Variants in DLGAP5 observed in about 807,000 individuals in gnomAD.
DLGAP5 encodes the protein DLG associated protein 5, also known as disks large-associated protein 5.
Under a neutral mutation model 99.6 loss-of-function variants are expected in DLGAP5, and 90 were observed. That is an observed-to-expected ratio of 0.90 (90% CI 0.76 to 1.08). DLGAP5 has a LOEUF of 1.08. DLGAP5 is among the 50% of genes least tolerant of loss of function. The pLI is 0.00. For missense variants in DLGAP5, 1,036 were observed against 983.5 expected (o/e 1.05, Z -0.71); for synonymous variants, 311 against 321.3 (o/e 0.97, Z 0.34).
Position 55,177,344 on chromosome 14 carries a change from G to A in DLGAP5, c.775-8C>T. 1 of 1,573,880 alleles carries A rather than the reference G, an allele frequency of 6.4e-7. No homozygotes were observed. The highest frequency in any genetic ancestry group is 1.4e-5 in the African/African-American group (1 of 73,322). ...GACTTTACAAGAAATACCCTAGGAT[G>A]TGAGTTAACAAAGTAGAGTAAGATT... On this transcript the variant is annotated splice_region_variant and splice_polypyrimidine_tract_variant and intron_variant, in intron 7 of 18. Coordinates refer to ENST00000247191, the MANE Select transcript of DLGAP5 (RefSeq NM_014750.5).
chr14:55,162,844 T>A, intron 13 of DLGAP5, 127 bp downstream of exon 13: 1 of 474,310 alleles, frequency 2.1e-6, no homozygotes. Flanking sequence ...TAATGAGAAA[T>A]CTAAACCTAA....
intron 14 of DLGAP5, 95 bp from the exon 15 acceptor site, chr14:55,154,901 T>C: frequency 9.3e-7 from 1 of 1,074,706 alleles, no homozygotes; most frequent in Non-Finnish European, 1.3e-6. Flanking sequence ...TTAGCCTCTT[T>C]CTCCTGTCAA....
rs1006866071 is a variant in DLGAP5, at chr14:55,158,403, TTA to T, written c.1873+117_1873+118del. 3.6e-5 allele frequency: 28 copies of T among 788,102 alleles called. No homozygotes were observed. In the African/African-American group the frequency reaches 4.4e-4, roughly 12 times the overall value. 48.8% of individuals were successfully genotyped at this position (788,102 alleles called of 1,614,324 possible). A position where few individuals can be genotyped will look rare whatever the true frequency, so the allele number is the denominator to read the frequency against. On this transcript the variant is annotated intron_variant, in intron 14 of 18. Transcript: ENST00000247191. ...TATTTTCTAAAAATCACAGAAAAAC[TTA>T]TGTCTCTTCATGTAAAAAACTATTT...
intron 2 of DLGAP5, among the ~76,000 whole-genome samples, chr14:55,184,787 G>T (rs1220734559): frequency 2.0e-5 from 3 of 152,136 alleles, no homozygotes; most frequent in Non-Finnish European, 4.4e-5. Context: ...CATCTTGGAG[G>T]CAGATCCTCC....
intron 12 of DLGAP5, 29 bp downstream of exon 12, chr14:55,169,370 T>TAATA (rs768352288): frequency 7.2e-7 from 1 of 1,394,002 alleles, no homozygotes. Flanking sequence ...AGCCCTAAGT[T>TAATA]AATATATTTG....
chr14:55,184,227 G>C (rs891805235), intron 2 of DLGAP5, among the ~76,000 whole-genome samples: 1 of 152,136 alleles, frequency 6.6e-6, no homozygotes, highest in Non-Finnish European at 1.5e-5. Context: ...GAAGGCTGAG[G>C]TGGAAGGATC....
At chr14:55,178,294 A>G (rs1883153568) in intron 7 of DLGAP5, among the ~76,000 whole-genome samples, 1 of 152,156 alleles carries the variant, frequency 6.6e-6, no homozygotes, top group African/African-American at 2.4e-5. Context: ...TTAAAATCAG[A>G]AATCTAACAT....
chr14:55,172,936 C>T (rs542997729), intron 10 of DLGAP5, among the ~76,000 whole-genome samples: 51 of 139,904 alleles, frequency 3.6e-4, no homozygotes, highest in Middle Eastern at 4.1e-3. Context: ...GAGCCAAGAT[C>T]GCGCCATTGC....
At chr14:55,178,979 G>A (rs1036197600) in intron 7 of DLGAP5, among the ~76,000 whole-genome samples, 8 of 152,048 alleles carry the variant, frequency 5.3e-5, no homozygotes, top group African/African-American at 9.7e-5. Flanking sequence ...CCCGGGGAGC[G>A]GAAGGTGCAG....
chr14:55,170,090 G>T (rs888467283), intron 11 of DLGAP5, among the ~76,000 whole-genome samples: 3 of 151,726 alleles, frequency 2.0e-5, no homozygotes, highest in Non-Finnish European at 4.4e-5. Flanking sequence ...AGCCGATATG[G>T]CGCCATTGCA....
intron 18 of DLGAP5, chr14:55,150,500 C>T (rs1391139218): frequency 1.1e-5 from 2 of 187,412 alleles, no homozygotes. Context: ...GAAACTTTGC[C>T]TTATATTTTT....
intron 12 of DLGAP5, among the ~76,000 whole-genome samples, chr14:55,166,624 G>A (rs1388978310): frequency 6.6e-6 from 1 of 151,928 alleles, no homozygotes; most frequent in Non-Finnish European, 1.5e-5. Flanking sequence ...AGCTACTTGG[G>A]AGACTGAGGC....
intron 2 of DLGAP5, among the ~76,000 whole-genome samples, chr14:55,186,461 G>T (rs1444204876): frequency 6.6e-6 from 1 of 152,084 alleles, no homozygotes; most frequent in Non-Finnish European, 1.5e-5. Context: ...AGAGCAACAC[G>T]TTTTATTTGA....
chr14:55,165,336 A>C (rs1882599362), intron 12 of DLGAP5, among the ~76,000 whole-genome samples: 1 of 152,122 alleles, frequency 6.6e-6, no homozygotes, highest in African/African-American at 2.4e-5. Flanking sequence ...CACCTGGGTA[A>C]CATGATGACA....
chr14:55,185,553 C>G (rs989548175), intron 2 of DLGAP5, among the ~76,000 whole-genome samples: 2 of 151,952 alleles, frequency 1.3e-5, no homozygotes, highest in Non-Finnish European at 2.9e-5. Context: ...GTGGCGCAAT[C>G]TTGGCTCACT....
At chr14:55,185,112 C>G (rs77912833) in intron 2 of DLGAP5, among the ~76,000 whole-genome samples, 3,085 of 152,290 alleles carry the variant, frequency 0.02, 81 homozygotes, top group African/African-American at 0.07. Flanking sequence ...TTCTCCCAAC[C>G]TACATCCTCA....
intron 10 of DLGAP5, among the ~76,000 whole-genome samples, chr14:55,171,282 G>A (rs980929722): frequency 6.6e-6 from 1 of 152,148 alleles, no homozygotes; most frequent in Non-Finnish European, 1.5e-5. Context: ...CCCCATTCTA[G>A]GGAACATTTG....
At chr14:55,168,047 G>A (rs1181728583) in intron 12 of DLGAP5, among the ~76,000 whole-genome samples, 1 of 151,876 alleles carries the variant, frequency 6.6e-6, no homozygotes, top group East Asian at 1.9e-4. Flanking sequence ...TCCTGGACTG[G>A]TCCATGTAAT....
chr14:55,180,932 C>T (rs558654270), intron 5 of DLGAP5, among the ~76,000 whole-genome samples, 154 bp from the exon 6 acceptor site: 63 of 152,252 alleles, frequency 4.1e-4, no homozygotes. Flanking sequence ...GCCTAGGCAA[C>T]ATAGTGAGAC....
Sources: gnomAD v4.1 joint callset for allele counts (sites outside exome capture counted in the v4.1 genomes callset) on GRCh38, gnomAD v4.1.1 for gene constraint, MANE v1.5 for transcripts, NCBI Gene and HGNC (gene_info 2026-07-23, HGNC 2026-07-21) for gene names.